Variants in TDRD15 observed in about 807,000 individuals in gnomAD.
TDRD15 encodes the protein tudor domain-containing protein 15.
For synonymous variants in TDRD15, 503 were observed against 314.5 expected (o/e 1.60, Z -6.34); for missense variants, 1,416 against 904.7 (o/e 1.57, Z -7.25).
chr2:21,130,668 G>A (rs1009485083), intron 2 of TDRD15, among the ~76,000 whole-genome samples: 2 of 152,012 alleles, frequency 1.3e-5, no homozygotes, highest in East Asian at 1.9e-4. Flanking sequence ...AATAAACTTG[G>A]CATCTTGTCA....
At chr2:21,130,629 C>A (rs373759624) in intron 2 of TDRD15, among the ~76,000 whole-genome samples, 1 of 151,838 alleles carries the variant, frequency 6.6e-6, no homozygotes, top group Admixed American at 6.6e-5. Context: ...TTTTTCAGGA[C>A]CATTTATTGA....
rs538178519 is a variant in TDRD15 at position 21,137,681 on chromosome 2, G to T, written c.214G>T (p.Val72Leu). The T allele has an allele frequency of 1.4e-6, 1 of 714,378 alleles. No individual in the cohort carries two copies. The highest frequency in any genetic ancestry group is 2.7e-5 in the East Asian group (1 of 37,262). The allele number at this position is 714,378 out of a possible 1,614,324, so 44.3% of individuals were successfully genotyped here. A position where few individuals can be genotyped will look rare whatever the true frequency, so the allele number is the denominator to read the frequency against. Residue 72 changes from valine (V) to leucine (L), a missense_variant, in exon 4 of 4, where the codon GTA becomes TTA. Transcript: ENST00000405799. ...IDEFCLVEER[V>L]SGEWQRGRVM... ...TGAATTTTGTTTGGTGGAAGAAAGA[G>T]TATCTGGAGAATGGCAGAGAGGAAG...
chr2:21,137,478 C>T lies in TDRD15; in HGVS notation c.11C>T (p.Thr4Ile), dbSNP rs910556606. ...TTTGCTTTTTAGAAAATGGATTCTACATCTTTCTTACCAACATTTTTAGAT... is the reference window on the plus strand; with the variant it reads ...TTTGCTTTTTAGAAAATGGATTCTATATCTTTCTTACCAACATTTTTAGAT... MDS[T>I]SFLPTFLDVD... Residue 4 changes from threonine to isoleucine, a missense_variant, in exon 4 of 4, where the codon ACA becomes ATA. Physicochemically the swap from Thr to Ile is moderately conservative, Grantham distance 89. Coordinates refer to ENST00000405799, the MANE Select transcript of TDRD15 (RefSeq NM_001306137.2). 2 of 640,108 alleles carry T rather than the reference C, an allele frequency of 3.1e-6. No homozygotes were observed. The highest frequency in any genetic ancestry group is 5.8e-5 in the Admixed American group (2 of 34,344). 39.7% of individuals were successfully genotyped at this position (640,108 alleles called of 1,614,324 possible). A position where few individuals can be genotyped will look rare whatever the true frequency, so the allele number is the denominator to read the frequency against.
chr2:21,141,446 G>A lies in TDRD15; in HGVS notation c.3979G>A (p.Ala1327Thr). The change falls in exon 4 of 4, where the codon GCT (alanine) becomes ACT (threonine). Residue 1327 changes from alanine to threonine, a missense_variant. Physicochemically the swap from Ala to Thr is moderately conservative, Grantham distance 58. Transcript: ENST00000405799. Reference protein sequence around the residue: ...NESVIIRLADALNATARRLRE... With the variant: ...NESVIIRLADTLNATARRLRE... ...AAGTGTAATTATCAGACTTGCTGAT[G>A]CTCTAAATGCAACAGCAAGGAGATT... The A allele has an allele frequency of 1.4e-6, 1 of 712,592 alleles. No homozygotes were observed. The highest frequency in any genetic ancestry group is 2.6e-6 in the Non-Finnish European group (1 of 382,922). 44.1% of individuals were successfully genotyped at this position (712,592 alleles called of 1,614,324 possible). A position where few individuals can be genotyped will look rare whatever the true frequency, so the allele number is the denominator to read the frequency against.
rs1665938814 is a variant in TDRD15, at chr2:21,141,782, GTTTA to G, written c.4318_4321del (p.Tyr1440ValfsTer4). 2.8e-6 allele frequency: 2 copies of G among 713,646 alleles called. No individual in the cohort carries two copies. Among genetic ancestry groups the G allele is most frequent in the Non-Finnish European group, 5.2e-6 (2 of 383,120 alleles). 44.2% of individuals were successfully genotyped at this position (713,646 alleles called of 1,614,324 possible). A position where few individuals can be genotyped will look rare whatever the true frequency, so the allele number is the denominator to read the frequency against. ...TACTTCGAAAGTACATAACAAAACAGTTTATTGTGAATTTTTGAAAAAGCATGAT... is the reference window on the plus strand; with the variant it reads ...TACTTCGAAAGTACATAACAAAACAGTTGTGAATTTTTGAAAAAGCATGAT... On this transcript the variant is annotated frameshift_variant, in exon 4 of 4. Coordinates refer to ENST00000405799, the MANE Select transcript of TDRD15 (RefSeq NM_001306137.2). LOFTEE classifies it low-confidence loss of function (END_TRUNC).
intron 1 of TDRD15, among the ~76,000 whole-genome samples, chr2:21,125,058 AGT>A (rs1665557697): frequency 8.2e-6 from 1 of 121,452 alleles, no homozygotes; most frequent in African/African-American, 3.3e-5. Context: ...AGGGTGTGTG[AGT>A]GTGAGAGAGA....
rs1665968260 is a variant in TDRD15 at position 21,143,073 on chromosome 2, T to G, written c.5606T>G (p.Phe1869Cys). The G allele has an allele frequency of 1.0e-5, 7 of 690,550 alleles. 1 individual carries two copies. Among genetic ancestry groups the G allele is most frequent in the Non-Finnish European group, 1.6e-5 (6 of 375,734 alleles). 42.8% of individuals were successfully genotyped at this position (690,550 alleles called of 1,614,324 possible). Residue 1869 changes from phenylalanine (F) to cysteine (C), a missense_variant, in exon 4 of 4, where the codon TTT (phenylalanine) becomes TGT (cysteine). Physicochemically the swap from Phe to Cys is radical, Grantham distance 205. Transcript: ENST00000405799. The stretch of plus-strand genomic sequence containing the variant: ...TGGAGTGAAGAAGCCAAAATCTTTT[T>G]TCGAGATTTCCTAAGTAAACCAGAC... ...KHWSEEAKIF[F>C]RDFLSKPDLV...
At position 21,130,654 on chromosome 2, in the gene TDRD15, C is replaced by T. The variant is rs190622956; in HGVS notation, c.-90+2943C>T. Among the ~76,000 whole-genome samples, 64 of 152,094 alleles carry T rather than the reference C, an allele frequency of 4.2e-4. No homozygotes were observed. In the East Asian group the frequency reaches 7.0e-3, roughly 17 times the overall value. On this transcript the variant is annotated intron_variant, in intron 2 of 3. Coordinates refer to ENST00000405799, the MANE Select transcript of TDRD15 (RefSeq NM_001306137.2). ...CCATTTATTGAAAATATTATTTCCC[C>T]GTGAATAAACTTGGCATCTTGTCAA...
chr2:21,135,170 T>C (rs1443812727), intron 3 of TDRD15, among the ~76,000 whole-genome samples: 1 of 146,926 alleles, frequency 6.8e-6, no homozygotes, highest in Admixed American at 6.8e-5. Flanking sequence ...ATATAAGATA[T>C]AATAAAAAGA....
chr2:21,146,427 T>TTA (rs1368031235), downstream of TDRD15, among the ~76,000 whole-genome samples: 2 of 152,064 alleles, frequency 1.3e-5, no homozygotes, highest in Non-Finnish European at 2.9e-5. Context: ...GTAATTGTTT[T>TTA]TATCTGTAGA....
At chr2:21,136,275 C>T (rs1353126308) in intron 3 of TDRD15, among the ~76,000 whole-genome samples, 1 of 152,014 alleles carries the variant, frequency 6.6e-6, no homozygotes, top group East Asian at 1.9e-4. Context: ...TCTGTCCCTA[C>T]ATACTCCTCT....
At position 21,143,499 on chromosome 2, in the gene TDRD15, G is replaced by A. The variant is rs1414084214; in HGVS notation, c.*227G>A. ...GAAAACATTTCCAGAGTACCATTTT[G>A]TTTGATACATGTACAACAGCTTCAT... is the stretch of plus-strand genomic sequence containing the variant. On this transcript the variant is annotated 3_prime_UTR_variant, in exon 4 of 4. Transcript: ENST00000405799. Among the ~76,000 whole-genome samples the A allele has an allele frequency of 1.3e-5, 2 of 151,510 alleles. No homozygotes were observed. Among genetic ancestry groups the A allele is most frequent in the African/African-American group, 2.4e-5 (1 of 41,368 alleles).
chr2:21,132,405 G>T (rs986881606), intron 2 of TDRD15, among the ~76,000 whole-genome samples: 1 of 152,088 alleles, frequency 6.6e-6, no homozygotes, highest in Non-Finnish European at 1.5e-5. Context: ...TTGGGATGGG[G>T]TGGAGTTAAG....
At position 21,143,528 on chromosome 2, in the gene TDRD15, G is replaced by T. The variant is rs145889237; in HGVS notation, c.*256G>T. Among the ~76,000 whole-genome samples, 174 of 151,568 alleles carry T rather than the reference G, an allele frequency of 1.1e-3. No individual in the cohort carries two copies. The highest frequency in any genetic ancestry group is 4.1e-3 in the African/African-American group (169 of 41,442). Reference sequence around the variant, plus strand: ...GATACATGTACAACAGCTTCATTTTGGGAACTGCCTGATGGTTTGAAGAAC... The same window carrying T: ...GATACATGTACAACAGCTTCATTTTTGGAACTGCCTGATGGTTTGAAGAAC... On this transcript the variant is annotated 3_prime_UTR_variant, in exon 4 of 4. Coordinates refer to ENST00000405799, the MANE Select transcript of TDRD15 (RefSeq NM_001306137.2).
chr2:21,141,418 T>A lies in TDRD15; in HGVS notation c.3951T>A (p.Asn1317Lys). Residue 1317 changes from asparagine to lysine, a missense_variant, in exon 4 of 4, where the codon AAT becomes AAA. Physicochemically the swap from Asn to Lys is moderately conservative, Grantham distance 94 (BLOSUM62 0). Coordinates refer to ENST00000405799, the MANE Select transcript of TDRD15 (RefSeq NM_001306137.2). ...PANFHIQLAE[N>K]ESVIIRLADA... ...ATTTCCATATTCAGCTTGCTGAGAATGAAAGTGTAATTATCAGACTTGCTG... is the reference window on the plus strand; with the variant it reads ...ATTTCCATATTCAGCTTGCTGAGAAAGAAAGTGTAATTATCAGACTTGCTG... 1 of 713,342 alleles carries A rather than the reference T, an allele frequency of 1.4e-6. No individual in the cohort carries two copies. Among genetic ancestry groups the A allele is most frequent in the East Asian group, 2.7e-5 (1 of 37,254 alleles). 44.2% of individuals were successfully genotyped at this position (713,342 alleles called of 1,614,324 possible). A position where few individuals can be genotyped will look rare whatever the true frequency, so the allele number is the denominator to read the frequency against.
At position 21,141,046 on chromosome 2, in the gene TDRD15, A is replaced by T. The variant is rs1485719404; in HGVS notation, c.3579A>T (p.Arg1193Ser). The change falls in exon 4 of 4, where the codon AGA becomes AGT. Residue 1193 changes from arginine (R) to serine (S), a missense_variant. Coordinates refer to ENST00000405799, the MANE Select transcript of TDRD15 (RefSeq NM_001306137.2). The part of the protein sequence containing the change: ...NKPSPVTYSE[R>S]KIDQLMHPKN... ...CTAGTCCAGTAACATATTCCGAAAGAAAAATAGACCAATTGATGCATCCCA... is the reference window on the plus strand; with the variant it reads ...CTAGTCCAGTAACATATTCCGAAAGTAAAATAGACCAATTGATGCATCCCA... 2 of 706,798 alleles carry T rather than the reference A, an allele frequency of 2.8e-6. No homozygotes were observed. Among genetic ancestry groups the T allele is most frequent in the Non-Finnish European group, 5.2e-6 (2 of 381,858 alleles). The allele number at this position is 706,798 out of a possible 1,614,324, so 43.8% of individuals were successfully genotyped here.
At chr2:21,146,227 G>C (rs2103451056), downstream of TDRD15, among the ~76,000 whole-genome samples, 1 of 152,080 alleles carries the variant, frequency 6.6e-6, no homozygotes, top group African/African-American at 2.4e-5. Flanking sequence ...GTAATTTTGA[G>C]CTAAACTTAA....
chr2:21,146,581 TA>T (rs1341150747), downstream of TDRD15, among the ~76,000 whole-genome samples: 1 of 152,060 alleles, frequency 6.6e-6, no homozygotes, highest in African/African-American at 2.4e-5. Context: ...GAGAATGTAA[TA>T]ACCCATTCAA....
In TDRD15 at chr2:21,141,731, T is replaced by G; in HGVS notation, c.4264T>G (p.Trp1422Gly). The G allele has an allele frequency of 2.8e-6, 2 of 715,360 alleles. No homozygotes were observed. Among genetic ancestry groups the G allele is most frequent in the East Asian group, 5.4e-5 (2 of 37,236 alleles). 44.3% of individuals were successfully genotyped at this position (715,360 alleles called of 1,614,324 possible). The change falls in exon 4 of 4, where the codon TGG (tryptophan) becomes GGG (glycine). Residue 1422 changes from tryptophan to glycine, a missense_variant. Transcript: ENST00000405799. Reference sequence around the variant, plus strand: ...AAAATGGAATGAGCCTGATGAAATATGGGATGACAAAACTGTGGATTATTT... The same window carrying G: ...AAAATGGAATGAGCCTGATGAAATAGGGGATGACAAAACTGTGGATTATTT... ...GVKWNEPDEI[W>G]DDKTVDYFTS...
Sources: allele counts gnomAD v4.1 joint callset (sites outside exome capture counted in the v4.1 genomes callset), GRCh38; gene constraint gnomAD v4.1.1; transcripts MANE v1.5; gene names NCBI Gene and HGNC (gene_info 2026-07-23, HGNC 2026-07-21).